The following AUTS2 variants were observed in gnomAD, a reference collection of about 807,000 sequenced individuals.
AUTS2 encodes activator of transcription and developmental regulator AUTS2.
AUTS2 carries 17 observed loss-of-function variants against 112.4 expected under a neutral mutation model. The observed-to-expected ratio is 0.15, with a 90% CI of 0.10 to 0.23. AUTS2 has a LOEUF of 0.23. AUTS2 is among the 10% of genes least tolerant of loss of function. The probability of loss-of-function intolerance (pLI) is 1.00; values close to 1 mark genes in which losing one functional copy is unlikely to be tolerated. For missense variants in AUTS2, 1,510 were observed against 1,701.6 expected, an observed-to-expected ratio of 0.89 and a Z score of 1.98; for synonymous variants, 751 against 702.7, an observed-to-expected ratio of 1.07 and a Z score of -1.09.
Position 70,789,910 on chromosome 7 carries a change from G to C in AUTS2, c.2694G>C (p.Ser898=). The stretch of plus-strand genomic sequence containing the variant: ...CCAAAGAGAGGGAGAGAGACCACTC[G>C]GAATCCCGCAAGGACCTGGCCGCCG... ...DKPKERERDH[S]ESRKDLAADE... is the part of the protein sequence containing the mutation. Residue 898 remains serine (S), a synonymous_variant, in exon 19 of 19, where the codon TCG becomes TCC. Transcript: ENST00000342771. 3 of 1,614,078 alleles carry C rather than the reference G, an allele frequency of 1.9e-6. No homozygotes were observed. The highest frequency in any genetic ancestry group is 8.5e-7 in the Non-Finnish European group (1 of 1,180,022).
At chr7:70,618,776 G>GA (rs1160291037) in intron 5 of AUTS2, among the ~76,000 whole-genome samples, 1 of 151,432 alleles carries the variant, frequency 6.6e-6, no homozygotes, top group African/African-American at 2.4e-5. Context: ...GAGAGCAAGA[G>GA]AAAAAAAAGA....
At chr7:70,507,555 G>A (rs557388210) in intron 5 of AUTS2, among the ~76,000 whole-genome samples, 1 of 152,164 alleles carries the variant, frequency 6.6e-6, no homozygotes, top group East Asian at 1.9e-4. Flanking sequence ...CCAGCACTTT[G>A]GGAGACTGAG....
intron 1 of AUTS2, among the ~76,000 whole-genome samples, chr7:69,673,529 C>T (rs910284807): frequency 6.6e-6 from 1 of 152,228 alleles, no homozygotes; most frequent in Non-Finnish European, 1.5e-5. Flanking sequence ...GCTTCCTTCA[C>T]TTATCCAGAA....
rs532189026 is a variant in AUTS2, at chr7:69,712,461, A to G, written c.309+112499A>G. On this transcript the variant is annotated intron_variant, in intron 1 of 18. Coordinates refer to ENST00000342771, the MANE Select transcript of AUTS2 (RefSeq NM_015570.4). ...ATTGACACTTCCAACAATTACGTGT[A>G]AATGAATCTCATATAGTATGTACTG... 3.3e-5 allele frequency among the ~76,000 whole-genome samples: 5 copies of G among 152,284 alleles called. No individual in the cohort carries two copies. In the South Asian group the frequency reaches 6.2e-4, roughly 19 times the overall value.
At chr7:69,773,233 G>A (rs909767690) in intron 1 of AUTS2, among the ~76,000 whole-genome samples, 4 of 152,134 alleles carry the variant, frequency 2.6e-5, no homozygotes, top group African/African-American at 9.7e-5. Context: ...CAAGGATTAA[G>A]TGAGGCTGGG....
intron 4 of AUTS2, among the ~76,000 whole-genome samples, chr7:70,135,244 T>G (rs1000867931): frequency 1.3e-5 from 2 of 152,156 alleles, no homozygotes; most frequent in African/African-American, 4.8e-5. Context: ...TTCATTATAT[T>G]TATTTATAGT....
chr7:70,121,991 A>G (rs1268455581), intron 3 of AUTS2, among the ~76,000 whole-genome samples: 1 of 152,228 alleles, frequency 6.6e-6, no homozygotes, highest in East Asian at 1.9e-4. Flanking sequence ...TAGGCACACA[A>G]TGGAATATAC....
At chr7:69,802,303 T>C (rs906113867) in intron 1 of AUTS2, among the ~76,000 whole-genome samples, 34 of 152,342 alleles carry the variant, frequency 2.2e-4, no homozygotes, top group African/African-American at 7.0e-4. Context: ...TGTTTTGTTA[T>C]TTTCTAAGCT....
chr7:70,699,735 T>G (rs572779891), intron 6 of AUTS2, among the ~76,000 whole-genome samples: 1 of 152,356 alleles, frequency 6.6e-6, no homozygotes, highest in East Asian at 1.9e-4. Context: ...TCATATTTTC[T>G]GATGGACTGA....
At chr7:70,060,905 C>T (rs1331377620) in intron 2 of AUTS2, among the ~76,000 whole-genome samples, 1 of 152,186 alleles carries the variant, frequency 6.6e-6, no homozygotes, top group Non-Finnish European at 1.5e-5. Context: ...TGGAGCCTGC[C>T]TGGTCCAGTG....
At chr7:70,162,216 G>C (rs1808114096) in intron 4 of AUTS2, among the ~76,000 whole-genome samples, 1 of 151,762 alleles carries the variant, frequency 6.6e-6, no homozygotes, top group Admixed American at 6.6e-5. Context: ...GGAGGCCGAG[G>C]CGGGCGGATC....
In AUTS2 at chr7:70,303,194, G is replaced by C. The variant is rs1157453422; in HGVS notation, c.661-132558G>C. 2.6e-5 allele frequency among the ~76,000 whole-genome samples: 4 copies of C among 152,210 alleles called. No individual in the cohort carries two copies. The East Asian group carries it at 7.8e-4, about 30-fold the overall frequency. ...GCATTGCCATATGCTCTGTTGCGCA[G>C]GAATGGGGAGGAACGGCCATCCACA... On this transcript the variant is annotated intron_variant, in intron 4 of 18. Transcript: ENST00000342771.
chr7:70,565,174 T>C (rs965641502), intron 5 of AUTS2, among the ~76,000 whole-genome samples: 16 of 152,202 alleles, frequency 1.1e-4, no homozygotes, highest in Non-Finnish European at 1.0e-4. Context: ...ATTTTAAAAG[T>C]ACAAAATGCA....
At chr7:69,843,194 C>T (rs1792056087) in intron 1 of AUTS2, among the ~76,000 whole-genome samples, 1 of 152,094 alleles carries the variant, frequency 6.6e-6, no homozygotes, top group African/African-American at 2.4e-5. Flanking sequence ...GACTTCAGCT[C>T]TTCCAATGGA....
chr7:70,559,836 G>A (rs571860333), intron 5 of AUTS2, among the ~76,000 whole-genome samples: 11 of 152,122 alleles, frequency 7.2e-5, no homozygotes, highest in South Asian at 2.1e-4. Context: ...TATGCCCTAC[G>A]TCTTGTCACT....
At chr7:70,550,519 C>T (rs1296086512) in intron 5 of AUTS2, among the ~76,000 whole-genome samples, 2 of 152,138 alleles carry the variant, frequency 1.3e-5, no homozygotes, top group African/African-American at 4.8e-5. Flanking sequence ...AACTCATTAG[C>T]TCCTGTAGCT....
chr7:70,257,321 TTTTG>T (rs1209947766), intron 4 of AUTS2, among the ~76,000 whole-genome samples: 1 of 151,980 alleles, frequency 6.6e-6, no homozygotes, highest in Non-Finnish European at 1.5e-5. Flanking sequence ...TGAATTTTGT[TTTTG>T]TTGTTGTTTT....
At chr7:70,506,739 G>A (rs1798978836) in intron 5 of AUTS2, among the ~76,000 whole-genome samples, 1 of 152,230 alleles carries the variant, frequency 6.6e-6, no homozygotes, top group Admixed American at 6.5e-5. Context: ...CTGCCCTTCT[G>A]AGTTCAAATG....
intron 2 of AUTS2, among the ~76,000 whole-genome samples, chr7:69,914,969 C>T (rs1399732662): frequency 6.6e-6 from 1 of 152,102 alleles, no homozygotes; most frequent in Admixed American, 6.5e-5. Context: ...AACTGAACAT[C>T]GTTTGTGTGC....
Sources: gnomAD v4.1 joint callset for allele counts (sites outside exome capture counted in the v4.1 genomes callset) on GRCh38, gnomAD v4.1.1 for gene constraint, MANE v1.5 for transcripts, NCBI Gene and HGNC (gene_info 2026-07-23, HGNC 2026-07-21) for gene names.